The following TAFA2 variants were observed in gnomAD, a reference collection of about 807,000 sequenced individuals.
TAFA2 encodes the protein TAFA chemokine like family member 2.
A neutral mutation model predicts 18.8 loss-of-function variants in TAFA2; 7 were observed. That is an observed-to-expected ratio of 0.37 (90% CI 0.21 to 0.70). The LOEUF is 0.70. TAFA2 is among the 30% of genes least tolerant of loss of function. The pLI, the probability that TAFA2 is intolerant of heterozygous loss-of-function variation, is 0.53. For missense variants in TAFA2, 122 were observed against 158.1 expected (o/e 0.77, Z 1.23); for synonymous variants, 60 against 54.2 (o/e 1.11, Z -0.47).
chr12:61,785,233 T>G lies in TAFA2; in HGVS notation c.107-30209A>C, dbSNP rs1448380126. ...CAGTGTTTAACTTTCCGTTCCTGGC[T>G]GATTTCATGTAACGTAATGTCCTCC... On this transcript the variant is annotated intron_variant, in intron 2 of 4. Coordinates refer to ENST00000416284, the MANE Select transcript of TAFA2 (RefSeq NM_178539.5). Among the ~76,000 whole-genome samples, 9 of 151,644 alleles carry G rather than the reference T, an allele frequency of 5.9e-5. No individual in the cohort carries two copies. In the Admixed American group the frequency reaches 5.9e-4, roughly 10 times the overall value.
At chr12:61,752,536 A>G (rs1405529185) in intron 4 of TAFA2, among the ~76,000 whole-genome samples, 2 of 152,050 alleles carry the variant, frequency 1.3e-5, no homozygotes, top group African/African-American at 4.8e-5. Context: ...CTAATTGATC[A>G]TGCATCCAAT....
intron 1 of TAFA2, among the ~76,000 whole-genome samples, chr12:62,115,172 A>C (rs1869908143): frequency 6.6e-6 from 1 of 152,126 alleles, no homozygotes; most frequent in African/African-American, 2.4e-5. Flanking sequence ...CTAGAAAAGA[A>C]ACTACTAAGA....
rs568653450 is a variant in TAFA2 at position 61,929,723 on chromosome 12, C to G, written c.-1-62297G>C. ...ATGCACATGTATGTTTATTGCGGCA[C>G]TATTCACAATAGCAAAGACTTGGAA... On this transcript the variant is annotated intron_variant, in intron 1 of 4. Coordinates refer to ENST00000416284, the MANE Select transcript of TAFA2 (RefSeq NM_178539.5). Among the ~76,000 whole-genome samples, 301 of 151,966 alleles carry G rather than the reference C, an allele frequency of 2.0e-3. 1 individual carries two copies. Among genetic ancestry groups the G allele is most frequent in the African/African-American group, 6.8e-3 (283 of 41,384 alleles).
intron 1 of TAFA2, among the ~76,000 whole-genome samples, chr12:61,895,134 T>C (rs1306535791): frequency 6.6e-6 from 1 of 152,116 alleles, no homozygotes; most frequent in African/African-American, 2.4e-5. Flanking sequence ...CCAATAAACA[T>C]GCATGGATAG....
At chr12:61,976,082 G>A (rs376420376) in intron 1 of TAFA2, among the ~76,000 whole-genome samples, 2 of 151,636 alleles carry the variant, frequency 1.3e-5, no homozygotes, top group African/African-American at 2.4e-5. Context: ...TTTACCAAAC[G>A]ATATAATTAC....
At chr12:62,230,004 A>C (rs190079046) in intron 1 of TAFA2, among the ~76,000 whole-genome samples, 82 of 151,944 alleles carry the variant, frequency 5.4e-4, no homozygotes, top group Non-Finnish European at 1.0e-3. Context: ...AAGTTTTCCA[A>C]TCTGTTGGCA....
At chr12:62,110,346 T>A (rs141884852) in intron 1 of TAFA2, among the ~76,000 whole-genome samples, 8 of 152,314 alleles carry the variant, frequency 5.3e-5, no homozygotes, top group African/African-American at 1.9e-4. Flanking sequence ...TGGTGCTGGA[T>A]AAGCTTTTTG....
intron 1 of TAFA2, among the ~76,000 whole-genome samples, chr12:62,008,421 G>C (rs955483274): frequency 7.2e-5 from 11 of 151,986 alleles, no homozygotes; most frequent in Non-Finnish European, 1.5e-4. Flanking sequence ...TGTTTTTCAA[G>C]AACTGAAAAG....
At chr12:61,984,876 T>C (rs574282174) in intron 1 of TAFA2, among the ~76,000 whole-genome samples, 31 of 152,208 alleles carry the variant, frequency 2.0e-4, no homozygotes, top group Non-Finnish European at 8.8e-5. Context: ...AGTGTTCTAT[T>C]TGCAAACAAG....
intron 2 of TAFA2, among the ~76,000 whole-genome samples, chr12:61,863,191 C>G (rs1010312644): frequency 2.6e-5 from 4 of 152,152 alleles, no homozygotes; most frequent in African/African-American, 9.7e-5. Context: ...ATCAATCAGT[C>G]TGTGCTCCTT....
intron 2 of TAFA2, among the ~76,000 whole-genome samples, chr12:61,805,974 A>T (rs1265983363): frequency 1.3e-5 from 2 of 152,192 alleles, no homozygotes; most frequent in Non-Finnish European, 2.9e-5. Flanking sequence ...TACAATCAAA[A>T]CACAGAGAGA....
At chr12:61,837,923 T>A (rs575565749) in intron 2 of TAFA2, among the ~76,000 whole-genome samples, 4 of 152,168 alleles carry the variant, frequency 2.6e-5, no homozygotes, top group African/African-American at 4.8e-5. Context: ...GCCAGTAGAA[T>A]AGACATTTGA....
At chr12:61,825,295 G>T (rs1872497045) in intron 2 of TAFA2, among the ~76,000 whole-genome samples, 1 of 151,482 alleles carries the variant, frequency 6.6e-6, no homozygotes, top group African/African-American at 2.4e-5. Context: ...CACAGCAACT[G>T]ATTGTGTGAG....
intron 1 of TAFA2, among the ~76,000 whole-genome samples, chr12:62,069,259 G>T (rs1373339962): frequency 6.6e-6 from 1 of 152,068 alleles, no homozygotes; most frequent in Non-Finnish European, 1.5e-5. Context: ...ATGGCATAGG[G>T]GCAGGAAAGA....
chr12:62,004,674 T>G (rs1423175969), intron 1 of TAFA2, among the ~76,000 whole-genome samples: 1 of 152,134 alleles, frequency 6.6e-6, no homozygotes, highest in Non-Finnish European at 1.5e-5. Flanking sequence ...GAATTTCCTC[T>G]GTTGGATATG....
rs180800190 is a variant in TAFA2 at position 61,794,384 on chromosome 12, A to G, written c.107-39360T>C. On this transcript the variant is annotated intron_variant, in intron 2 of 4. Coordinates refer to ENST00000416284, the MANE Select transcript of TAFA2 (RefSeq NM_178539.5). ...TTGTATATCTATATATAAGAAATCA[A>G]TGTTTACAAATTGAAATTTTAAAAA... is the stretch of plus-strand genomic sequence containing the variant. Among the ~76,000 whole-genome samples the G allele has an allele frequency of 3.4e-3, 524 of 152,170 alleles. 3 individuals carry two copies. The highest frequency in any genetic ancestry group is 0.012 in the African/African-American group (491 of 41,554).
At chr12:61,935,344 T>C (rs1877718843) in intron 1 of TAFA2, among the ~76,000 whole-genome samples, 1 of 149,160 alleles carries the variant, frequency 6.7e-6, no homozygotes. Flanking sequence ...TCTATATCTT[T>C]GGAAAATTTT....
chr12:62,084,638 C>T (rs1306764835), intron 1 of TAFA2, among the ~76,000 whole-genome samples: 1 of 151,894 alleles, frequency 6.6e-6, no homozygotes, highest in Non-Finnish European at 1.5e-5. Context: ...ATTAGAAGGC[C>T]TTATGCTTGG....
At chr12:62,106,792 C>T (rs1260951310) in intron 1 of TAFA2, among the ~76,000 whole-genome samples, 4 of 152,168 alleles carry the variant, frequency 2.6e-5, no homozygotes, top group African/African-American at 4.8e-5. Context: ...GTTAAAATAG[C>T]TTCACTGTCA....
Sources: allele counts gnomAD v4.1 joint callset (sites outside exome capture counted in the v4.1 genomes callset), GRCh38; gene constraint gnomAD v4.1.1; transcripts MANE v1.5; gene names NCBI Gene and HGNC (gene_info 2026-07-23, HGNC 2026-07-21).